KIN: variants seen among roughly 807,000 people sequenced by gnomAD.
KIN encodes the protein Kin17 DNA and RNA binding protein.
A neutral mutation model predicts 63.0 loss-of-function variants in KIN; 47 were observed. The observed-to-expected ratio is 0.75, with a 90% confidence interval of 0.59 to 0.95. KIN has a LOEUF of 0.95. Among genes scored for constraint, KIN ranks in the 40% least tolerant of loss-of-function variants. The pLI, the probability that KIN is intolerant of heterozygous loss-of-function variation, is 0.00. For missense variants in KIN, 408 were observed against 460.9 expected (o/e 0.89, Z 1.05); for synonymous variants, 160 against 157.7 (o/e 1.01, Z -0.11).
At chr10:7,775,999 C>A (rs189127071) in intron 5 of KIN, among the ~76,000 whole-genome samples, 200 bp from the exon 6 acceptor site, 3 of 151,998 alleles carry the variant, frequency 2.0e-5, no homozygotes, top group East Asian at 1.9e-4. Context: ...GAGGCCGAGG[C>A]GGGCAGATCA....
At position 7,769,243 on chromosome 10, in the gene KIN, C is replaced by A; in HGVS notation, c.771G>T (p.Lys257Asn). ...SSTQSKEKKK[K>N]KSALDEIMEI... is the part of the protein sequence containing the mutation. ...CCATGATTTCATCCAGTGCAGATTT[C>A]TTTTTCTTCTTTTCTTTAGACTGAG... Residue 257 changes from lysine (K) to asparagine (N), a missense_variant, in exon 8 of 13, where the codon AAG becomes AAT. Lys to Asn is a moderately conservative substitution (Grantham distance 94). Around this residue, in one of 2 missense-constraint regions of KIN, gnomAD observed 298 missense variants for 296.0 expected, o/e 1.01. Coordinates refer to ENST00000379562, the MANE Select transcript of KIN (RefSeq NM_012311.4). 1 of 1,612,662 alleles carries A rather than the reference C, an allele frequency of 6.2e-7. No homozygotes were observed. The highest frequency in any genetic ancestry group is 8.5e-7 in the Non-Finnish European group (1 of 1,179,674).
chr10:7,757,454 C>A (rs761492558), intron 12 of KIN, among the ~76,000 whole-genome samples: 1 of 151,758 alleles, frequency 6.6e-6, no homozygotes, highest in East Asian at 1.9e-4. Flanking sequence ...GCTGAGATCG[C>A]GCCATTGCAC....
At chr10:7,763,617 A>G in intron 10 of KIN, 106 bp downstream of exon 10, 1 of 672,754 alleles carries the variant, frequency 1.5e-6, no homozygotes, top group Non-Finnish European at 2.7e-6. Flanking sequence ...AATTTTAAAC[A>G]TAGTACTTCT....
intron 9 of KIN, 57 bp downstream of exon 9, chr10:7,765,996 T>C: frequency 8.0e-7 from 1 of 1,255,608 alleles, no homozygotes; most frequent in South Asian, 1.3e-5. Context: ...AAATGCTAGT[T>C]AAATCATTCA....
rs183823335 is a variant in KIN at position 7,780,671 on chromosome 10, G to A, written c.210-364C>T. The stretch of plus-strand genomic sequence containing the variant: ...CTGCCTCAGCCTCCCAAGGTGCTGG[G>A]ACTACAGGCGTGAGCCACTGCATCT... On this transcript the variant is annotated intron_variant, in intron 2 of 12. Coordinates refer to ENST00000379562, the MANE Select transcript of KIN (RefSeq NM_012311.4). 4.6e-5 allele frequency among the ~76,000 whole-genome samples: 7 copies of A among 152,320 alleles called. No homozygotes were observed. In the East Asian group the frequency reaches 1.4e-3, roughly 29 times the overall value.
chr10:7,778,469 G>A (rs569415151), intron 5 of KIN, among the ~76,000 whole-genome samples: 13 of 152,290 alleles, frequency 8.5e-5, no homozygotes, highest in East Asian at 3.9e-4. Flanking sequence ...GGCTGGGCAC[G>A]GTGGCTCACG....
chr10:7,784,177 TG>T (rs1227907713), intron 1 of KIN, among the ~76,000 whole-genome samples: 8 of 152,132 alleles, frequency 5.3e-5, no homozygotes, highest in Non-Finnish European at 8.8e-5. Context: ...AGGAGTAGAT[TG>T]GGGGGATACC....
intron 8 of KIN, among the ~76,000 whole-genome samples, chr10:7,767,653 T>C (rs1239342529): frequency 6.7e-6 from 1 of 149,810 alleles, no homozygotes; most frequent in Non-Finnish European, 1.5e-5. Context: ...AGGCCAGGAG[T>C]TCAAGATCAG....
At chr10:7,771,827 A>G (rs527352249) in intron 7 of KIN, among the ~76,000 whole-genome samples, 1 of 151,496 alleles carries the variant, frequency 6.6e-6, no homozygotes, top group Non-Finnish European at 1.5e-5. Flanking sequence ...CTTGGAAGGC[A>G]GAGGTTGTGG....
chr10:7,760,025 G>A, intron 11 of KIN, 35 bp from the exon 12 acceptor site: 3 of 998,666 alleles, frequency 3.0e-6, no homozygotes, highest in Non-Finnish European at 4.5e-6. Flanking sequence ...TTAATGTGAA[G>A]AAATATCTCC....
intron 11 of KIN, 137 bp from the exon 12 acceptor site, chr10:7,760,127 T>A: frequency 2.0e-6 from 1 of 508,692 alleles, no homozygotes; most frequent in East Asian, 3.4e-5. Context: ...CTCAATCATT[T>A]AAGAAGTGTG....
intron 7 of KIN, among the ~76,000 whole-genome samples, chr10:7,771,130 C>A (rs1835658497): frequency 1.3e-5 from 1 of 75,004 alleles, no homozygotes. Context: ...GGGTTTTGAA[C>A]AGGCCAAATC....
rs1368190907 is a variant in KIN at position 7,752,835 on chromosome 10, C to T, written c.*3245G>A. 6.6e-6 allele frequency: 1 copy of T among 152,190 alleles called. No individual in the cohort carries two copies. The highest frequency in any genetic ancestry group is 2.4e-5 in the African/African-American group (1 of 41,446). 9.4% of individuals were successfully genotyped at this position (152,190 alleles called of 1,614,324 possible). ...AAGAAGCCAATCTGAAAAAGCTACA[C>T]CCTGTGTGACTCCAACTATATGACC... On this transcript the variant is annotated 3_prime_UTR_variant, in exon 13 of 13. Transcript: ENST00000379562.
Position 7,780,067 on chromosome 10 carries a change from A to T in KIN, c.365T>A (p.Leu122Gln), listed in dbSNP as rs779061286. The change falls in exon 4 of 13, where the codon CTG becomes CAG. Residue 122 changes from leucine (L) to glutamine (Q), a missense_variant. Physicochemically the swap from Leu to Gln is moderately radical, Grantham distance 113. This residue lies in a region of KIN where 110 missense variants were observed against 164.9 expected (regional missense o/e 0.67). Coordinates refer to ENST00000379562, the MANE Select transcript of KIN (RefSeq NM_012311.4). ...AATCTCATTCTTACCTTCTCTGCCC[A>T]GCCACTTAGTAAAATCAGTCAGAGT... Reference protein sequence around the residue: ...WETLTDFTKWLGREGLCKVDE... With the variant: ...WETLTDFTKWQGREGLCKVDE... 1 of 1,613,104 alleles carries T rather than the reference A, an allele frequency of 6.2e-7. No individual in the cohort carries two copies. The highest frequency in any genetic ancestry group is 8.5e-7 in the Non-Finnish European group (1 of 1,179,532).
chr10:7,786,575 G>A (rs1836012187), intron 1 of KIN, among the ~76,000 whole-genome samples: 1 of 151,744 alleles, frequency 6.6e-6, no homozygotes, highest in African/African-American at 2.4e-5. Flanking sequence ...GAGCCTGCAT[G>A]ATGAACAGGG....
chr10:7,773,171 G>A (rs1451483461), intron 7 of KIN, among the ~76,000 whole-genome samples: 1 of 152,196 alleles, frequency 6.6e-6, no homozygotes, highest in Non-Finnish European at 1.5e-5. Flanking sequence ...CTTCCCCGGA[G>A]CTCAGATTCT....
chr10:7,760,036 A>C (rs1835409510), intron 11 of KIN, 46 bp from the exon 12 acceptor site: 2 of 913,088 alleles, frequency 2.2e-6, no homozygotes, highest in Admixed American at 2.6e-5. Flanking sequence ...AAATATCTCC[A>C]CTTTTCTTCT....
rs772329875 is a variant in KIN, at chr10:7,766,040, A to G, written c.849+13T>C. 3.4e-5 allele frequency: 54 copies of G among 1,594,470 alleles called. No homozygotes were observed. Among genetic ancestry groups the G allele is most frequent in the Middle Eastern group, 3.3e-4 (2 of 6,010 alleles). On this transcript the variant is annotated intron_variant, in intron 9 of 12. Coordinates refer to ENST00000379562, the MANE Select transcript of KIN (RefSeq NM_012311.4). Reference sequence around the variant, plus strand: ...TACATTTAGAACTTAAGAAACTCCAACTGAATACTTACAGGCTGTAGCCAG... The same window carrying G: ...TACATTTAGAACTTAAGAAACTCCAGCTGAATACTTACAGGCTGTAGCCAG...
chr10:7,779,983 C>T lies in KIN; in HGVS notation c.376+73G>A. On this transcript the variant is annotated intron_variant, in intron 4 of 12. Transcript: ENST00000379562. Reference sequence around the variant, plus strand: ...ACTGACCCAATTTTTTTTCTCTTTTCTTATCCCAAACATCTCATCCTATGA... The same window carrying T: ...ACTGACCCAATTTTTTTTCTCTTTTTTTATCCCAAACATCTCATCCTATGA... The T allele has an allele frequency of 7.9e-6, 12 of 1,515,240 alleles. No homozygotes were observed. The Admixed American group carries it at 1.2e-4, about 15-fold the overall frequency. The allele number at this position is 1,515,240 out of a possible 1,614,324, so 93.9% of individuals were successfully genotyped here. A position where few individuals can be genotyped will look rare whatever the true frequency, so the allele number is the denominator to read the frequency against.
Sources: allele counts gnomAD v4.1 joint callset (sites outside exome capture counted in the v4.1 genomes callset), GRCh38; gene constraint gnomAD v4.1.1; regional missense constraint gnomAD v4.1.1; transcripts MANE v1.5; gene names NCBI Gene and HGNC (gene_info 2026-07-23, HGNC 2026-07-21).